The following TXNRD2 variants were observed in gnomAD, a reference collection of about 807,000 sequenced individuals.
TXNRD2 encodes the protein thioredoxin reductase 2, mitochondrial.
A neutral mutation model predicts 70.8 loss-of-function variants in TXNRD2; 67 were observed. The ratio of observed to expected loss-of-function variants is 0.95; its 90% confidence interval spans 0.78 to 1.16. The LOEUF (loss-of-function observed/expected upper bound fraction) is 1.16. Among genes scored for constraint, TXNRD2 ranks in the 50% most tolerant of loss-of-function variants. The pLI, the probability that TXNRD2 is intolerant of heterozygous loss-of-function variation, is 0.00. For missense variants in TXNRD2, 644 were observed against 719.9 expected (o/e 0.89, Z 1.21); for synonymous variants, 301 against 295.8 (o/e 1.02, Z -0.18).
At chr22:19,896,688 C>T (rs879032) in intron 10 of TXNRD2, among the ~76,000 whole-genome samples, 2,098 of 152,342 alleles carry the variant, frequency 0.014, 62 homozygotes, top group African/African-American at 0.048. Flanking sequence ...GGGACTTGCA[C>T]GGACCAGCAG....
chr22:19,909,984 TCACA>T (rs950953289), intron 8 of TXNRD2, among the ~76,000 whole-genome samples: 3 of 138,578 alleles, frequency 2.2e-5, no homozygotes, highest in South Asian at 2.4e-4. Flanking sequence ...CACACACCAT[TCACA>T]CACACACACC....
chr22:19,911,248 C>A (rs539072627), intron 8 of TXNRD2, 129 bp downstream of exon 8: 2 of 780,064 alleles, frequency 2.6e-6, no homozygotes, highest in Non-Finnish European at 2.2e-6. Flanking sequence ...AAATAACAGG[C>A]CTTTTTTCCT....
intron 1 of TXNRD2, among the ~76,000 whole-genome samples, chr22:19,935,647 G>A (rs1941511946): frequency 1.3e-5 from 2 of 152,138 alleles, no homozygotes; most frequent in Non-Finnish European, 2.9e-5. Context: ...ACCGATACGT[G>A]ATGTCACCCC....
At chr22:19,911,961 G>A (rs1036181900) in intron 7 of TXNRD2, among the ~76,000 whole-genome samples, 8 of 152,164 alleles carry the variant, frequency 5.3e-5, no homozygotes, top group Non-Finnish European at 1.0e-4. Flanking sequence ...GGCAGGGGTG[G>A]CCTACAAGGC....
chr22:19,910,043 A>G (rs73877402), intron 8 of TXNRD2, among the ~76,000 whole-genome samples: 4,921 of 151,304 alleles, frequency 0.033, 126 homozygotes, highest in South Asian at 0.087. Context: ...CACACACAGA[A>G]GTGGGACCCT....
chr22:19,882,891 A>C (rs1938845536), intron 12 of TXNRD2, among the ~76,000 whole-genome samples: 1 of 152,252 alleles, frequency 6.6e-6, no homozygotes, highest in Non-Finnish European at 1.5e-5. Context: ...AAGCCAGAGG[A>C]TACTGAGGCG....
intron 8 of TXNRD2, among the ~76,000 whole-genome samples, chr22:19,906,449 T>C (rs1398529388): frequency 6.6e-6 from 1 of 151,564 alleles, no homozygotes; most frequent in African/African-American, 2.4e-5. Context: ...ACATAGCGAG[T>C]CCTTGCCCTA....
intron 2 of TXNRD2, among the ~76,000 whole-genome samples, chr22:19,929,724 CTG>C (rs1235827376): frequency 1.3e-5 from 2 of 152,196 alleles, no homozygotes; most frequent in Non-Finnish European, 2.9e-5. Context: ...TTATGGCAGT[CTG>C]TTTATTACGG....
chr22:19,913,756 C>G (rs2146032113), intron 7 of TXNRD2, among the ~76,000 whole-genome samples: 1 of 152,336 alleles, frequency 6.6e-6, no homozygotes, highest in Admixed American at 6.5e-5. Context: ...TGACCTTGAT[C>G]TCTGCAGAAG....
At position 19,896,133 on chromosome 22, in the gene TXNRD2, T is replaced by C. The variant is rs1327192223; in HGVS notation, c.775-552A>G. 2.6e-5 allele frequency among the ~76,000 whole-genome samples: 4 copies of C among 151,826 alleles called. No homozygotes were observed. In the East Asian group the frequency reaches 7.7e-4, roughly 29 times the overall value. ...TAACACGGTGAAACACTGTCTCTAC[T>C]AAAAAACACAAAAAATTAGCCAGGC... On this transcript the variant is annotated intron_variant, in intron 10 of 17. Transcript: ENST00000400521.
rs541778874 is a variant in TXNRD2, at chr22:19,894,882, G to A, written c.949+525C>T. On this transcript the variant is annotated intron_variant, in intron 11 of 17. Coordinates refer to ENST00000400521, the MANE Select transcript of TXNRD2 (RefSeq NM_006440.5). Reference sequence around the variant, plus strand: ...GGGCGCCTGTAGCCCCAGCTACCCAGGAGGCTGAGGCAGGAGAATCGCTTG... The same window carrying A: ...GGGCGCCTGTAGCCCCAGCTACCCAAGAGGCTGAGGCAGGAGAATCGCTTG... The A allele has an allele frequency of 1.3e-3, 1,024 of 800,686 alleles. 12 individuals carry two copies. The African/African-American group carries it at 0.017, about 13-fold the overall frequency. The allele number at this position is 800,686 out of a possible 1,614,324, so 49.6% of individuals were successfully genotyped here.
chr22:19,921,467 C>T (rs1160245257), intron 2 of TXNRD2, among the ~76,000 whole-genome samples: 1 of 151,000 alleles, frequency 6.6e-6, no homozygotes, highest in African/African-American at 2.4e-5. Flanking sequence ...CCACATCTGA[C>T]CACGATGGAG....
chr22:19,893,959 GCA>G (rs1273027719), intron 11 of TXNRD2: 9 of 152,214 alleles, frequency 5.9e-5, no homozygotes, highest in Non-Finnish European at 1.3e-4. Context: ...GGCGGCTTGT[GCA>G]CACCCATGTT....
intron 1 of TXNRD2, among the ~76,000 whole-genome samples, chr22:19,936,228 A>C (rs1364955718): frequency 6.6e-6 from 1 of 152,022 alleles, no homozygotes; most frequent in Admixed American, 6.6e-5. Flanking sequence ...TGCAGTTACC[A>C]CAGTTTTCTG....
chr22:19,882,429 C>T (rs1160596966), intron 12 of TXNRD2, among the ~76,000 whole-genome samples: 1 of 152,144 alleles, frequency 6.6e-6, no homozygotes, highest in Non-Finnish European at 1.5e-5. Context: ...GAACTCCTGA[C>T]CTCAAGTAAT....
intron 7 of TXNRD2, among the ~76,000 whole-genome samples, chr22:19,913,390 G>A (rs1940498342): frequency 6.6e-6 from 1 of 152,214 alleles, no homozygotes; most frequent in Non-Finnish European, 1.5e-5. Flanking sequence ...ACAGTGATGT[G>A]TCAGAGAGAG....
At chr22:19,926,725 G>A (rs1941159622) in intron 2 of TXNRD2, among the ~76,000 whole-genome samples, 1 of 152,144 alleles carries the variant, frequency 6.6e-6, no homozygotes, top group Non-Finnish European at 1.5e-5. Flanking sequence ...AGGTTGCAGT[G>A]AGCCGAGATG....
chr22:19,896,099 C>T (rs1337537123), intron 10 of TXNRD2, among the ~76,000 whole-genome samples: 1 of 152,110 alleles, frequency 6.6e-6, no homozygotes, highest in Non-Finnish European at 1.5e-5. Context: ...AGATAGAGAT[C>T]ATCCTGGCTA....
At chr22:19,912,915 C>T (rs571356916) in intron 7 of TXNRD2, among the ~76,000 whole-genome samples, 3 of 152,344 alleles carry the variant, frequency 2.0e-5, no homozygotes, top group East Asian at 1.9e-4. Flanking sequence ...GCTCTGCCTC[C>T]ACCGGACTGC....
Sources: allele counts gnomAD v4.1 joint callset (sites outside exome capture counted in the v4.1 genomes callset), GRCh38; gene constraint gnomAD v4.1.1; transcripts MANE v1.5; gene names NCBI Gene and HGNC (gene_info 2026-07-23, HGNC 2026-07-21).